The following HDAC1 variants were observed in gnomAD, a reference collection of about 807,000 sequenced individuals.
HDAC1 encodes the protein histone deacetylase 1, also known as protein deacetylase HDAC1.
HDAC1 carries 18 observed loss-of-function variants against 65.5 expected under a neutral mutation model. The ratio of observed to expected loss-of-function variants is 0.27; its 90% CI spans 0.19 to 0.41. HDAC1 has a LOEUF of 0.41. HDAC1 is among the 10% of genes least tolerant of loss of function. The probability of loss-of-function intolerance (pLI) is 1.00; values close to 1 mark genes in which losing one functional copy is unlikely to be tolerated. For synonymous variants in HDAC1, 211 were observed against 227.9 expected (o/e 0.93, Z 0.67); for missense variants, 373 against 625.2 (o/e 0.60, Z 4.30).
Position 32,333,225 on chromosome 1 carries a change from A to G in HDAC1, c.*181A>G, listed in dbSNP as rs1309692271. The G allele has an allele frequency of 6.1e-6, 3 of 493,210 alleles. No individual in the cohort carries two copies. Among genetic ancestry groups the G allele is most frequent in the Non-Finnish European group, 1.1e-5 (3 of 279,814 alleles). 30.6% of individuals were successfully genotyped at this position (493,210 alleles called of 1,614,324 possible). A position where few individuals can be genotyped will look rare whatever the true frequency, so the allele number is the denominator to read the frequency against. ...GCTGTGCTGGGTGAGCTCTTCCAGG[A>G]GCCACCTTGCCACCCATTCTTCCCG... On this transcript the variant is annotated 3_prime_UTR_variant, in exon 14 of 14. Transcript: ENST00000373548.
chr1:32,305,107 G>A (rs1408930107), intron 2 of HDAC1, among the ~76,000 whole-genome samples: 1 of 152,002 alleles, frequency 6.6e-6, no homozygotes, highest in African/African-American at 2.4e-5. Flanking sequence ...TATATAGATG[G>A]AGCCATACAG....
intron 2 of HDAC1, among the ~76,000 whole-genome samples, chr1:32,303,381 C>T (rs1048585877): frequency 6.6e-6 from 1 of 152,118 alleles, no homozygotes; most frequent in African/African-American, 2.4e-5. Flanking sequence ...CATTTTGAGT[C>T]TGGGAAGCAG....
At chr1:32,301,629 G>A (rs1640850107) in intron 1 of HDAC1, among the ~76,000 whole-genome samples, 1 of 151,790 alleles carries the variant, frequency 6.6e-6, no homozygotes, top group African/African-American at 2.4e-5. Flanking sequence ...AATTAGCCAG[G>A]CATGGTAGCA....
At chr1:32,297,073 TGAA>T (rs1314812123) in intron 1 of HDAC1, among the ~76,000 whole-genome samples, 1 of 151,984 alleles carries the variant, frequency 6.6e-6, no homozygotes, top group Admixed American at 6.6e-5. Flanking sequence ...GCAGGAATCT[TGAA>T]GAGAGGAGAT....
chr1:32,313,617 A>G (rs1641019963), intron 2 of HDAC1, among the ~76,000 whole-genome samples: 1 of 152,232 alleles, frequency 6.6e-6, no homozygotes, highest in African/African-American at 2.4e-5. Context: ...TGCAGAAAAT[A>G]TGGCAGGTTC....
chr1:32,307,667 G>A (rs934464412), intron 2 of HDAC1, among the ~76,000 whole-genome samples: 17 of 152,062 alleles, frequency 1.1e-4, no homozygotes, highest in African/African-American at 3.9e-4. Context: ...TAATATTTTT[G>A]GACAGTGATT....
rs1553159197 is a variant in HDAC1 at position 32,332,723 on chromosome 1, C to G, written c.1395C>G (p.Thr465=). 1.3e-6 allele frequency: 2 copies of G among 1,555,684 alleles called. No individual in the cohort carries two copies. The highest frequency in any genetic ancestry group is 1.7e-6 in the Non-Finnish European group (2 of 1,149,046). ...EKKEVTEEEK[T]KEEKPEAKGV... ...TAGAAGTCACCGAAGAGGAGAAAACCAAGGAGGAGAAGCCAGAAGCCAAAG... is the reference window on the plus strand; with the variant it reads ...TAGAAGTCACCGAAGAGGAGAAAACGAAGGAGGAGAAGCCAGAAGCCAAAG... Residue 465 remains threonine (T), a synonymous_variant, in exon 13 of 14, where the codon ACC becomes ACG. Coordinates refer to ENST00000373548, the MANE Select transcript of HDAC1 (RefSeq NM_004964.3).
chr1:32,324,785 A>AT (rs1274426583), intron 4 of HDAC1, among the ~76,000 whole-genome samples: 1 of 152,176 alleles, frequency 6.6e-6, no homozygotes, highest in Admixed American at 6.5e-5. Flanking sequence ...CCCAGGCAAC[A>AT]TAGACCCTCC....
chr1:32,309,076 CG>C (rs574068273), intron 2 of HDAC1, among the ~76,000 whole-genome samples: 114 of 152,008 alleles, frequency 7.5e-4, no homozygotes, highest in African/African-American at 2.6e-3. Flanking sequence ...CCTCCCAAAG[CG>C]TTAGGATTAT....
At chr1:32,311,117 T>C (rs1312658733) in intron 2 of HDAC1, among the ~76,000 whole-genome samples, 1 of 151,830 alleles carries the variant, frequency 6.6e-6, no homozygotes, top group Non-Finnish European at 1.5e-5. Context: ...AGATAATACA[T>C]TGGTGGTAGT....
chr1:32,296,436 C>T (rs969513968), intron 1 of HDAC1, among the ~76,000 whole-genome samples: 1 of 152,202 alleles, frequency 6.6e-6, no homozygotes, highest in Non-Finnish European at 1.5e-5. Flanking sequence ...ATGATCCTGG[C>T]TCACTACCAC....
At chr1:32,297,381 A>G (rs558042801) in intron 1 of HDAC1, among the ~76,000 whole-genome samples, 2 of 152,254 alleles carry the variant, frequency 1.3e-5, no homozygotes, top group South Asian at 2.1e-4. Flanking sequence ...CCCCAGCTCT[A>G]CAAAACAACA....
intron 6 of HDAC1, among the ~76,000 whole-genome samples, chr1:32,328,442 C>T (rs187377680): frequency 2.0e-5 from 3 of 152,176 alleles, no homozygotes; most frequent in East Asian, 3.9e-4. Context: ...TCCGAATAGC[C>T]GGGATTTAGC....
intron 2 of HDAC1, among the ~76,000 whole-genome samples, chr1:32,305,606 CTTT>C (rs796787096): frequency 2.2e-5 from 3 of 134,582 alleles, no homozygotes; most frequent in Admixed American, 7.5e-5. Flanking sequence ...CATTGGTTGT[CTTT>C]TTTTTTTTTT....
In HDAC1 at chr1:32,321,139, G is replaced by A. The variant is rs576280464; in HGVS notation, c.281-3340G>A. Among the ~76,000 whole-genome samples, 149 of 150,904 alleles carry A rather than the reference G, an allele frequency of 9.9e-4. 1 individual carries two copies. The highest frequency in any genetic ancestry group is 3.5e-3 in the African/African-American group (144 of 41,136). The stretch of plus-strand genomic sequence containing the variant: ...CCAGCTACTTGGGAGGCTGAGGCAG[G>A]AGAATGGTGTGAACCCAGGAGGCGG... On this transcript the variant is annotated intron_variant, in intron 3 of 13. Transcript: ENST00000373548.
intron 1 of HDAC1, among the ~76,000 whole-genome samples, chr1:32,293,504 A>G (rs1388203924): frequency 6.6e-6 from 1 of 151,362 alleles, no homozygotes; most frequent in East Asian, 2.0e-4. Context: ...AGTGGCTCAC[A>G]CCTCTCTAAT....
At position 32,300,362 on chromosome 1, in the gene HDAC1, G is replaced by A. The variant is rs149602794; in HGVS notation, c.50-2259G>A. ...ACTTGAGGTGAGGAGTTCCAGACCA[G>A]CCAGGCCAACATAGTGAAACCCCAC... On this transcript the variant is annotated intron_variant, in intron 1 of 13. Coordinates refer to ENST00000373548, the MANE Select transcript of HDAC1 (RefSeq NM_004964.3). Among the ~76,000 whole-genome samples the A allele has an allele frequency of 4.2e-3, 636 of 152,204 alleles. 7 individuals carry two copies. The highest frequency in any genetic ancestry group is 0.014 in the African/African-American group (600 of 41,538).
intron 2 of HDAC1, among the ~76,000 whole-genome samples, chr1:32,313,814 T>C (rs1286598884): frequency 6.6e-6 from 1 of 152,176 alleles, no homozygotes; most frequent in Non-Finnish European, 1.5e-5. Flanking sequence ...TTGGCATGTT[T>C]CCATGGTCCT....
Position 32,292,092 on chromosome 1 carries a change from C to A in HDAC1, c.-78C>A, listed in dbSNP as rs114740358. On this transcript the variant is annotated 5_prime_UTR_variant, in exon 1 of 14. Coordinates refer to ENST00000373548, the MANE Select transcript of HDAC1 (RefSeq NM_004964.3). The stretch of plus-strand genomic sequence containing the variant: ...CGGGCCGGAGGCCCGCCCCCTCCCC[C>A]CTGGGTCGGACGCTGAGCGGAGCCG... 2.1e-6 allele frequency: 3 copies of A among 1,423,614 alleles called. No homozygotes were observed. Among genetic ancestry groups the A allele is most frequent in the Non-Finnish European group, 2.9e-6 (3 of 1,036,506 alleles). 88.2% of individuals were successfully genotyped at this position (1,423,614 alleles called of 1,614,324 possible).
Sources: gnomAD v4.1 joint callset for allele counts (sites outside exome capture counted in the v4.1 genomes callset) on GRCh38, gnomAD v4.1.1 for gene constraint, MANE v1.5 for transcripts, NCBI Gene and HGNC (gene_info 2026-07-23, HGNC 2026-07-21) for gene names.